The following PRORP variants were observed in gnomAD, a reference collection of about 807,000 sequenced individuals.
PRORP encodes the protein mitochondrial ribonuclease P catalytic subunit.
In PRORP, 51 loss-of-function variants were observed where a neutral mutation model predicts 59.4. That is an observed-to-expected ratio of 0.86 (90% confidence interval 0.69 to 1.08). The LOEUF (loss-of-function observed/expected upper bound fraction) is 1.08. PRORP is among the 50% of genes least tolerant of loss of function. The probability of loss-of-function intolerance (pLI) is 0.00; values close to 1 mark genes in which losing one functional copy is unlikely to be tolerated. For missense variants in PRORP, 646 were observed against 690.3 expected, an observed-to-expected ratio of 0.94 and a Z score of 0.72; for synonymous variants, 231 against 245.6, an observed-to-expected ratio of 0.94 and a Z score of 0.55.
intron 4 of PRORP, among the ~76,000 whole-genome samples, chr14:35,179,034 A>G (rs1324838957): frequency 6.6e-6 from 1 of 152,186 alleles, no homozygotes; most frequent in Non-Finnish European, 1.5e-5. Context: ...TTCTGGGTTG[A>G]GAATTCTTTT....
At chr14:35,207,213 G>T (rs2049317140) in intron 5 of PRORP, among the ~76,000 whole-genome samples, 1 of 152,142 alleles carries the variant, frequency 6.6e-6, no homozygotes, top group African/African-American at 2.4e-5. Context: ...ATCAGTACAT[G>T]AGATACATGC....
chr14:35,163,431 T>C (rs1344008121), intron 4 of PRORP, among the ~76,000 whole-genome samples: 1 of 152,146 alleles, frequency 6.6e-6, no homozygotes, highest in Non-Finnish European at 1.5e-5. Flanking sequence ...AAACACCTTA[T>C]TATTTGATGT....
chr14:35,188,440 C>T (rs1313591517), intron 5 of PRORP, among the ~76,000 whole-genome samples: 1 of 151,470 alleles, frequency 6.6e-6, no homozygotes, highest in African/African-American at 2.4e-5. Flanking sequence ...CTGCCCGCCT[C>T]GGCCTCCCAA....
At chr14:35,237,985 C>A (rs1204991123) in intron 5 of PRORP, among the ~76,000 whole-genome samples, 1 of 151,944 alleles carries the variant, frequency 6.6e-6, no homozygotes, top group Non-Finnish European at 1.5e-5. Context: ...AATATCTGTT[C>A]ATTAAGTCAA....
At chr14:35,233,963 T>A (rs1185591967) in intron 5 of PRORP, among the ~76,000 whole-genome samples, 1 of 152,212 alleles carries the variant, frequency 6.6e-6, no homozygotes, top group Non-Finnish European at 1.5e-5. Flanking sequence ...GTGACTCTGC[T>A]CAGTCCTCTT....
chr14:35,151,774 A>T (rs2047756678), intron 4 of PRORP, among the ~76,000 whole-genome samples: 1 of 152,088 alleles, frequency 6.6e-6, no homozygotes, highest in Non-Finnish European at 1.5e-5. Flanking sequence ...GTATCCTCAT[A>T]ACTCAGAATA....
At chr14:35,160,978 G>A (rs898982772) in intron 4 of PRORP, among the ~76,000 whole-genome samples, 1 of 152,106 alleles carries the variant, frequency 6.6e-6, no homozygotes, top group African/African-American at 2.4e-5. Flanking sequence ...CAGAATACCT[G>A]GAAACAACTG....
chr14:35,180,526 C>CTGTGTGTGTGTGTGTGTGTGTGTGTGTG (rs3058430), intron 4 of PRORP, 144 bp from the exon 5 acceptor site: 180 of 538,088 alleles, frequency 3.3e-4, no homozygotes, highest in South Asian at 5.3e-4. Context: ...TGTAGAGTAT[C>CTGTGTGTGTGTGTGTGTGTGTGTGTGTG]TGTGTGTGTG....
Position 35,192,090 on chromosome 14 carries a change from G to A in PRORP, c.1275+11313G>A, listed in dbSNP as rs138521945. ...TAGAATAAAATCCAAGTTCCTCATC[G>A]TGGATTATAGTAACTCTCATTATCT... On this transcript the variant is annotated intron_variant, in intron 5 of 7. Coordinates refer to ENST00000534898, the MANE Select transcript of PRORP (RefSeq NM_014672.4). 1.9e-3 allele frequency among the ~76,000 whole-genome samples: 295 copies of A among 152,116 alleles called. 1 individual carries two copies. Among genetic ancestry groups the A allele is most frequent in the African/African-American group, 6.7e-3 (276 of 41,486 alleles).
Position 35,230,050 on chromosome 14 carries a change from C to CTTTTTTTTT in PRORP, c.1276-36665_1276-36657dup, listed in dbSNP as rs35309046. On this transcript the variant is annotated intron_variant, in intron 5 of 7. Coordinates refer to ENST00000534898, the MANE Select transcript of PRORP (RefSeq NM_014672.4). The stretch of plus-strand genomic sequence containing the variant: ...CAGCCAGATGTCATTACTGTAAATT[C>CTTTTTTTTT]TTTTTTTTTTTTTTTTTTTTGAGAC... Among the ~76,000 whole-genome samples the CTTTTTTTTT allele has an allele frequency of 7.1e-4, 77 of 109,116 alleles. 4 individuals carry two copies. Among genetic ancestry groups the CTTTTTTTTT allele is most frequent in the African/African-American group, 2.4e-3 (73 of 29,892 alleles). The allele number at this position is 109,116 out of a possible 152,430, so 71.6% of individuals were successfully genotyped here.
At chr14:35,228,903 A>G (rs1222088799) in intron 5 of PRORP, among the ~76,000 whole-genome samples, 2 of 152,290 alleles carry the variant, frequency 1.3e-5, no homozygotes, top group Admixed American at 6.5e-5. Flanking sequence ...GAACCAATCT[A>G]TATTCCCACC....
intron 4 of PRORP, among the ~76,000 whole-genome samples, chr14:35,155,764 G>A (rs938836456): frequency 1.3e-5 from 2 of 151,698 alleles, no homozygotes; most frequent in Non-Finnish European, 2.9e-5. Context: ...CATTAGAAAG[G>A]ATATAAACAG....
At chr14:35,132,081 C>T (rs1468194374) in intron 4 of PRORP, among the ~76,000 whole-genome samples, 1 of 151,486 alleles carries the variant, frequency 6.6e-6, no homozygotes, top group East Asian at 2.0e-4. Context: ...TGAGGTGATC[C>T]GTCCGCCTCG....
At chr14:35,259,009 T>C (rs1472110746) in intron 5 of PRORP, among the ~76,000 whole-genome samples, 1 of 152,240 alleles carries the variant, frequency 6.6e-6, no homozygotes, top group Non-Finnish European at 1.5e-5. Context: ...ATATGCTTGC[T>C]GATTTTCTGT....
chr14:35,198,874 T>C (rs1049392419), intron 5 of PRORP, among the ~76,000 whole-genome samples: 1 of 151,478 alleles, frequency 6.6e-6, no homozygotes, highest in Non-Finnish European at 1.5e-5. Flanking sequence ...CTACTAAAAA[T>C]ACAAAAATTA....
intron 4 of PRORP, among the ~76,000 whole-genome samples, chr14:35,133,399 A>C (rs1233298063): frequency 1.3e-5 from 2 of 152,096 alleles, no homozygotes; most frequent in African/African-American, 4.8e-5. Context: ...ATCTGGTAGA[A>C]TTCTGAATTC....
chr14:35,127,509 A>G lies in PRORP; in HGVS notation c.1065A>G (p.Ile355Met). The part of the protein sequence containing the change: ...SGQCSGCGKT[I>M]ESIQLSPEEY... ...AGTGTTCGGGCTGTGGAAAAACCAT[A>G]GAGTCTATTCAGCTGAGTCCAGAAG... The change falls in exon 4 of 8, where the codon ATA becomes ATG. Residue 355 changes from isoleucine (I) to methionine (M), a missense_variant. By Grantham distance (10) the Ile-to-Met change is conservative. Coordinates refer to ENST00000534898, the MANE Select transcript of PRORP (RefSeq NM_014672.4). 6.2e-7 allele frequency: 1 copy of G among 1,611,820 alleles called. No individual in the cohort carries two copies.
chr14:35,269,911 G>A (rs1309016975), intron 6 of PRORP, among the ~76,000 whole-genome samples: 2 of 152,170 alleles, frequency 1.3e-5, no homozygotes, highest in Admixed American at 1.3e-4. Flanking sequence ...TTGGGGTGCT[G>A]ATCCAGGTGA....
intron 4 of PRORP, among the ~76,000 whole-genome samples, chr14:35,134,670 C>T (rs2138819742): frequency 6.6e-6 from 1 of 152,252 alleles, no homozygotes; most frequent in East Asian, 1.9e-4. Flanking sequence ...AGATGCAAGA[C>T]AAAGTCCTCC....
Sources: allele counts gnomAD v4.1 joint callset (sites outside exome capture counted in the v4.1 genomes callset), GRCh38; gene constraint gnomAD v4.1.1; transcripts MANE v1.5; gene names NCBI Gene and HGNC (gene_info 2026-07-23, HGNC 2026-07-21).